The following TNR variants were observed in gnomAD, a reference collection of about 807,000 sequenced individuals.
The protein encoded by TNR is tenascin R.
In TNR, 45 loss-of-function variants were observed where a neutral mutation model predicts 150.4. The ratio of observed to expected loss-of-function variants is 0.30; its 90% CI spans 0.24 to 0.38. The LOEUF (loss-of-function observed/expected upper bound fraction) is 0.38. Among genes scored for constraint, TNR ranks in the 10% least tolerant of loss-of-function variants. The pLI is 1.00. For missense variants in TNR, 1,544 were observed against 1,759.1 expected (o/e 0.88, Z 2.19); for synonymous variants, 687 against 678.4 (o/e 1.01, Z -0.20).
At chr1:175,604,160 A>G (rs1430507061) in intron 1 of TNR, among the ~76,000 whole-genome samples, 2 of 152,104 alleles carry the variant, frequency 1.3e-5, no homozygotes, top group Non-Finnish European at 2.9e-5. Context: ...TTCTTCAAGC[A>G]GCATCCAGAG....
chr1:175,501,509 G>T (rs1238593723), intron 2 of TNR, among the ~76,000 whole-genome samples: 1 of 152,206 alleles, frequency 6.6e-6, no homozygotes, highest in Non-Finnish European at 1.5e-5. Flanking sequence ...GCCTTGTGAG[G>T]CCTGGGCAGA....
intron 11 of TNR, among the ~76,000 whole-genome samples, chr1:175,365,613 T>C (rs75685924): frequency 1.2e-3 from 189 of 152,318 alleles, no homozygotes; most frequent in African/African-American, 4.3e-3. Context: ...CAGGGAAAGA[T>C]GGACAGAATC....
At chr1:175,739,497 T>C (rs1445931369) in intron 1 of TNR, among the ~76,000 whole-genome samples, 1 of 151,008 alleles carries the variant, frequency 6.6e-6, no homozygotes, top group Non-Finnish European at 1.5e-5. Context: ...TGCACACACA[T>C]GCACACACAC....
At chr1:175,506,501 C>A (rs558728729) in intron 2 of TNR, among the ~76,000 whole-genome samples, 6 of 152,312 alleles carry the variant, frequency 3.9e-5, no homozygotes, top group African/African-American at 9.6e-5. Flanking sequence ...AGGGTGGGCC[C>A]TAGGCTAATC....
At chr1:175,728,054 T>C (rs894683024) in intron 1 of TNR, among the ~76,000 whole-genome samples, 10 of 152,228 alleles carry the variant, frequency 6.6e-5, no homozygotes, top group Admixed American at 3.3e-4. Flanking sequence ...TGTATAGTTG[T>C]TCAGACATAA....
chr1:175,368,015 T>G (rs1036184985), intron 9 of TNR, among the ~76,000 whole-genome samples: 2 of 152,134 alleles, frequency 1.3e-5, no homozygotes, highest in African/African-American at 4.8e-5. Context: ...AGGAAATCCT[T>G]TGGGAGGTTT....
chr1:175,714,642 T>C (rs1374214175), intron 1 of TNR, among the ~76,000 whole-genome samples: 1 of 152,202 alleles, frequency 6.6e-6, no homozygotes, highest in Non-Finnish European at 1.5e-5. Context: ...TTTATCTCTC[T>C]ACCCTCTCCA....
In TNR at chr1:175,535,300, C is replaced by T. The variant is rs533384095; in HGVS notation, c.-164-6931G>A. ...AATCCTACCTGCAGCAGATTCAGTG[C>T]ATGAAAAATAGATTAGCAACGAGCT... On this transcript the variant is annotated intron_variant, in intron 1 of 22. Transcript: ENST00000367674. 3.9e-5 allele frequency among the ~76,000 whole-genome samples: 6 copies of T among 152,320 alleles called. No homozygotes were observed. In the South Asian group the frequency reaches 1.2e-3, roughly 32 times the overall value.
chr1:175,452,638 C>T (rs1656378647), intron 2 of TNR, among the ~76,000 whole-genome samples: 2 of 152,194 alleles, frequency 1.3e-5, no homozygotes, highest in African/African-American at 2.4e-5. Flanking sequence ...AAGCTGGGAC[C>T]TGTGGGGCCT....
chr1:175,366,827 G>A (rs1367432428), intron 10 of TNR, among the ~76,000 whole-genome samples: 2 of 152,232 alleles, frequency 1.3e-5, no homozygotes, highest in Non-Finnish European at 2.9e-5. Context: ...CCCAAGTGGC[G>A]TTTGTGAGGA....
chr1:175,543,630 G>A (rs1660581146), intron 1 of TNR, among the ~76,000 whole-genome samples: 2 of 151,972 alleles, frequency 1.3e-5, no homozygotes, highest in South Asian at 4.2e-4. Context: ...TTAGCTCCTG[G>A]GCAATTTCAA....
At chr1:175,728,666 T>G (rs1667544717) in intron 1 of TNR, among the ~76,000 whole-genome samples, 1 of 152,200 alleles carries the variant, frequency 6.6e-6, no homozygotes, top group Admixed American at 6.5e-5. Context: ...TAGGTGTGAT[T>G]TAGTGGCTCA....
chr1:175,566,055 C>T (rs572681111), intron 1 of TNR, among the ~76,000 whole-genome samples: 3 of 152,274 alleles, frequency 2.0e-5, no homozygotes, highest in South Asian at 2.1e-4. Flanking sequence ...TTCCACAAAA[C>T]TCCTTGTTGC....
intron 2 of TNR, among the ~76,000 whole-genome samples, chr1:175,504,177 A>G (rs1187031789): frequency 1.3e-5 from 2 of 152,170 alleles, no homozygotes; most frequent in Non-Finnish European, 2.9e-5. Context: ...TTCAGCTAGC[A>G]TCTTTAATAT....
At chr1:175,630,339 T>C (rs150376000) in intron 1 of TNR, among the ~76,000 whole-genome samples, 40 of 152,318 alleles carry the variant, frequency 2.6e-4, no homozygotes, top group Non-Finnish European at 4.3e-4. Context: ...ATAGAAACTT[T>C]CCTGAAATCA....
At position 175,360,556 on chromosome 1, in the gene TNR, G is replaced by A. The variant is rs143157810; in HGVS notation, c.2855-825C>T. Among the ~76,000 whole-genome samples the A allele has an allele frequency of 2.8e-3, 434 of 152,288 alleles. 6 individuals carry two copies. Among genetic ancestry groups the A allele is most frequent in the African/African-American group, 9.5e-3 (395 of 41,560 alleles). Reference sequence around the variant, plus strand: ...AGGTTATAATTTATCACAAGTGGATGTTATTACAACAGTTTAGTTATCAGC... The same window carrying A: ...AGGTTATAATTTATCACAAGTGGATATTATTACAACAGTTTAGTTATCAGC... On this transcript the variant is annotated intron_variant, in intron 14 of 22. Transcript: ENST00000367674.
chr1:175,452,812 T>C (rs997968410), intron 2 of TNR, among the ~76,000 whole-genome samples: 7 of 152,286 alleles, frequency 4.6e-5, no homozygotes, highest in Admixed American at 6.5e-5. Context: ...CAAATGTCCA[T>C]TGAGGGATAA....
In TNR at chr1:175,403,205, C is replaced by G. The variant is rs1400966389; in HGVS notation, c.911G>C (p.Arg304Pro). 6.2e-7 allele frequency: 1 copy of G among 1,613,996 alleles called. No homozygotes were observed. Among genetic ancestry groups the G allele is most frequent in the African/African-American group, 1.3e-5 (1 of 74,910 alleles). The stretch of plus-strand genomic sequence containing the variant: ...GCAGAGCCCCTCCTCACATTGTCCT[C>G]GCCCACTGCAGGCATTCAGACACTG... ...QRQCLNACSGRGQCEEGLCVC... is the reference protein window; with the variant it reads ...QRQCLNACSGPGQCEEGLCVC... Residue 304 changes from arginine to proline, a missense_variant, in exon 4 of 23, where the codon CGA becomes CCA. By Grantham distance (103) the Arg-to-Pro change is moderately radical (BLOSUM62 -2). Transcript: ENST00000367674.
At chr1:175,705,965 G>A (rs983357489) in intron 1 of TNR, among the ~76,000 whole-genome samples, 3 of 152,186 alleles carry the variant, frequency 2.0e-5, no homozygotes, top group Non-Finnish European at 4.4e-5. Context: ...GTCCTGACTT[G>A]TGTAAAAATG....
Sources: allele counts gnomAD v4.1 joint callset (sites outside exome capture counted in the v4.1 genomes callset), GRCh38; gene constraint gnomAD v4.1.1; transcripts MANE v1.5; gene names NCBI Gene and HGNC (gene_info 2026-07-23, HGNC 2026-07-21).